The following DIAPH3 variants were observed in gnomAD, a reference collection of about 807,000 sequenced individuals.
DIAPH3 encodes protein diaphanous homolog 3.
A neutral mutation model predicts 144.3 loss-of-function variants in DIAPH3; 117 were observed. That is an observed-to-expected ratio of 0.81 (90% CI 0.70 to 0.95). The LOEUF is 0.95. Ranked by LOEUF, DIAPH3 falls within the 40% of genes least tolerant of loss-of-function variation. The pLI is 0.00. For synonymous variants in DIAPH3, 519 were observed against 488.9 expected (o/e 1.06, Z -0.81); for missense variants, 1,421 against 1,412.7 (o/e 1.01, Z -0.09).
At chr13:59,788,218 A>C (rs1167750380) in intron 25 of DIAPH3, among the ~76,000 whole-genome samples, 1 of 152,208 alleles carries the variant, frequency 6.6e-6, no homozygotes, top group African/African-American at 2.4e-5. Flanking sequence ...AATTATGATA[A>C]ATCAGTATTG....
At chr13:60,119,671 C>T (rs1184119690) in intron 2 of DIAPH3, among the ~76,000 whole-genome samples, 17 of 140,014 alleles carry the variant, frequency 1.2e-4, no homozygotes, top group Non-Finnish European at 2.1e-4. Context: ...GGCGTGAACC[C>T]GGGAGGCGGA....
At position 59,778,528 on chromosome 13, in the gene DIAPH3, A is replaced by C. The variant is rs142034534; in HGVS notation, c.3164-3705T>G. Reference sequence around the variant, plus strand: ...CTGGAAGGGTTGATTATGCATGAGAATAAAGCTCATAGATGGACAGGGGTC... The same window carrying C: ...CTGGAAGGGTTGATTATGCATGAGACTAAAGCTCATAGATGGACAGGGGTC... On this transcript the variant is annotated intron_variant, in intron 25 of 27. Coordinates refer to ENST00000400324, the MANE Select transcript of DIAPH3 (RefSeq NM_001042517.2). 1.9e-3 allele frequency among the ~76,000 whole-genome samples: 290 copies of C among 152,382 alleles called. 1 individual carries two copies. Among genetic ancestry groups the C allele is most frequent in the African/African-American group, 6.6e-3 (276 of 41,598 alleles).
rs79814882 is a variant in DIAPH3, at chr13:59,895,444, C to A, written c.2368-15976G>T. On this transcript the variant is annotated intron_variant, in intron 20 of 27. Transcript: ENST00000400324. ...CAATGTTAAAGGAAAAAAAAAAAAA[C>A]AAAAAAAAAACACATTTATCTTGTG... 4.1e-3 allele frequency among the ~76,000 whole-genome samples: 518 copies of A among 127,338 alleles called. 1 individual carries two copies. The highest frequency in any genetic ancestry group is 8.8e-3 in the African/African-American group (307 of 35,038). The allele number at this position is 127,338 out of a possible 152,430, so 83.5% of individuals were successfully genotyped here.
At chr13:59,868,802 A>G (rs1259932590) in intron 21 of DIAPH3, among the ~76,000 whole-genome samples, 2 of 152,156 alleles carry the variant, frequency 1.3e-5, no homozygotes, top group African/African-American at 2.4e-5. Context: ...AGAACATCAC[A>G]TAGTTGGAAT....
intron 13 of DIAPH3, among the ~76,000 whole-genome samples, chr13:59,983,319 TAAC>T (rs1367601993): frequency 6.6e-6 from 1 of 151,418 alleles, no homozygotes; most frequent in African/African-American, 2.4e-5. Context: ...GGAGAATTTG[TAAC>T]ATCAGGCACT....
chr13:59,697,302 A>AT (rs2033856572), intron 27 of DIAPH3, among the ~76,000 whole-genome samples: 1 of 151,612 alleles, frequency 6.6e-6, no homozygotes, highest in African/African-American at 2.4e-5. Flanking sequence ...TACTAAAAAT[A>AT]CAAAAAAATT....
At chr13:59,813,117 T>G (rs1352395394) in intron 24 of DIAPH3, among the ~76,000 whole-genome samples, 7 of 151,494 alleles carry the variant, frequency 4.6e-5, no homozygotes, top group African/African-American at 1.7e-4. Context: ...CCTATAGCCC[T>G]GTGGGAGTAC....
intron 25 of DIAPH3, among the ~76,000 whole-genome samples, chr13:59,799,449 A>G (rs1183553256): frequency 1.3e-5 from 2 of 151,620 alleles, no homozygotes; most frequent in Non-Finnish European, 2.9e-5. Flanking sequence ...ATTGTTAACC[A>G]TCAGGTAGGC....
chr13:59,768,862 C>T (rs888921611), intron 27 of DIAPH3, among the ~76,000 whole-genome samples: 1 of 152,040 alleles, frequency 6.6e-6, no homozygotes, highest in Admixed American at 6.6e-5. Context: ...GATAATATAG[C>T]AAGATTTTGT....
intron 27 of DIAPH3, among the ~76,000 whole-genome samples, chr13:59,720,428 T>C (rs1337407520): frequency 1.3e-5 from 2 of 152,196 alleles, no homozygotes; most frequent in Non-Finnish European, 2.9e-5. Context: ...TGAAAATTTT[T>C]TTATTTTGTA....
intron 17 of DIAPH3, among the ~76,000 whole-genome samples, chr13:59,941,935 C>A (rs2048555629): frequency 2.6e-5 from 4 of 152,138 alleles, no homozygotes; most frequent in Admixed American, 2.6e-4. Context: ...TTTCTATTGA[C>A]CTATGTAATA....
chr13:59,850,412 A>G (rs1175441162), intron 22 of DIAPH3, among the ~76,000 whole-genome samples: 1 of 151,594 alleles, frequency 6.6e-6, no homozygotes, highest in Non-Finnish European at 1.5e-5. Context: ...TTCAAAGGGA[A>G]TGCTTCCAGT....
chr13:59,805,490 G>A (rs1490379533), intron 25 of DIAPH3, among the ~76,000 whole-genome samples: 1 of 151,932 alleles, frequency 6.6e-6, no homozygotes, highest in Non-Finnish European at 1.5e-5. Context: ...TTTCATGTCA[G>A]ATGAATAGGT....
At chr13:59,866,327 G>C (rs1485859641) in intron 21 of DIAPH3, among the ~76,000 whole-genome samples, 2 of 152,044 alleles carry the variant, frequency 1.3e-5, no homozygotes, top group Non-Finnish European at 2.9e-5. Context: ...TGGAGCCAAT[G>C]ATTGGAACAC....
intron 27 of DIAPH3, among the ~76,000 whole-genome samples, chr13:59,689,154 T>C (rs887572450): frequency 6.6e-6 from 1 of 152,086 alleles, no homozygotes; most frequent in Non-Finnish European, 1.5e-5. Flanking sequence ...CAAGAAAGTC[T>C]CCTGAAAGGC....
chr13:59,784,069 C>T (rs1248593156), intron 25 of DIAPH3, among the ~76,000 whole-genome samples: 1 of 152,114 alleles, frequency 6.6e-6, no homozygotes, highest in Non-Finnish European at 1.5e-5. Context: ...AGTCAAACAA[C>T]TATATATTAC....
chr13:59,784,850 C>T (rs1048224439), intron 25 of DIAPH3, among the ~76,000 whole-genome samples: 17 of 151,286 alleles, frequency 1.1e-4, no homozygotes, highest in Admixed American at 3.3e-4. Flanking sequence ...CACACACGCG[C>T]GCACACACAC....
intron 27 of DIAPH3, among the ~76,000 whole-genome samples, chr13:59,670,793 C>G (rs1438653710): frequency 6.6e-6 from 1 of 152,036 alleles, no homozygotes; most frequent in Non-Finnish European, 1.5e-5. Context: ...CTGTGTTAGC[C>G]AGGATGGTCT....
chr13:60,076,016 T>C (rs1207012081), intron 4 of DIAPH3, among the ~76,000 whole-genome samples: 1 of 152,222 alleles, frequency 6.6e-6, no homozygotes, highest in Non-Finnish European at 1.5e-5. Flanking sequence ...TGGGACAAAA[T>C]TCCTCCTAAG....
Sources: gnomAD v4.1 joint callset for allele counts (sites outside exome capture counted in the v4.1 genomes callset) on GRCh38, gnomAD v4.1.1 for gene constraint, MANE v1.5 for transcripts, NCBI Gene and HGNC (gene_info 2026-07-23, HGNC 2026-07-21) for gene names.